The following ABCC4 variants were observed in gnomAD, a reference collection of about 807,000 sequenced individuals.
ABCC4 encodes ATP binding cassette subfamily C member 4 (PEL blood group).
A neutral mutation model predicts 168.5 loss-of-function variants in ABCC4; 102 were observed. That is an observed-to-expected ratio of 0.61 (90% CI 0.52 to 0.71). ABCC4 has a LOEUF of 0.71. ABCC4 is among the 30% of genes least tolerant of loss of function. The pLI is 0.00. For synonymous variants in ABCC4, 617 were observed against 590.7 expected (o/e 1.04, Z -0.65); for missense variants, 1,402 against 1,605.8 (o/e 0.87, Z 2.17).
At chr13:95,111,534 C>T (rs2035205438) in intron 20 of ABCC4, among the ~76,000 whole-genome samples, 1 of 152,208 alleles carries the variant, frequency 6.6e-6, no homozygotes, top group Non-Finnish European at 1.5e-5. Flanking sequence ...TACTGTTGCA[C>T]ACCTGAGCCA....
intron 27 of ABCC4, among the ~76,000 whole-genome samples, chr13:95,044,712 C>T (rs1039846612): frequency 3.9e-5 from 6 of 152,102 alleles, no homozygotes; most frequent in East Asian, 1.9e-4. Flanking sequence ...TGCAGGGTCA[C>T]GTGTTAATAC....
intron 9 of ABCC4, among the ~76,000 whole-genome samples, chr13:95,189,124 CTTTTTTTTTTTTTTT>C (rs61449462): frequency 5.9e-5 from 4 of 67,294 alleles, no homozygotes; most frequent in Admixed American, 3.5e-4. Flanking sequence ...AAACAATATT[CTTTTTTTTTTTTTTT>C]TTTTTTTTTT....
chr13:95,244,609 GAAA>G (rs1566563377), intron 3 of ABCC4, among the ~76,000 whole-genome samples: 1 of 49,568 alleles, frequency 2.0e-5, no homozygotes, highest in Non-Finnish European at 4.0e-5. Flanking sequence ...AAGAAAGAAA[GAAA>G]GAAAGAAAGA....
chr13:95,083,238 C>G lies in ABCC4; in HGVS notation c.2588G>C (p.Trp863Ser). ...VVSVAVAVIP[W>S]IAIPLVPLGI... is the part of the protein sequence containing the mutation. ...AAGGGGAACCAAGGGTATTGCGATC[C>G]AAGGAATCACGGCCACAGCCACAGA... The change falls in exon 21 of 31, where the codon TGG (tryptophan) becomes TCG (serine). Residue 863 changes from tryptophan to serine, a missense_variant. This residue lies in a region of ABCC4 where 1,007 missense variants were observed against 1,127.3 expected (regional missense o/e 0.89). Coordinates refer to ENST00000645237, the MANE Select transcript of ABCC4 (RefSeq NM_005845.5). 6.2e-7 allele frequency: 1 copy of G among 1,613,806 alleles called. No homozygotes were observed. The highest frequency in any genetic ancestry group is 8.5e-7 in the Non-Finnish European group (1 of 1,179,884).
At position 95,295,071 on chromosome 13, in the gene ABCC4, G is replaced by T. The variant is rs185767369; in HGVS notation, c.74+6170C>A. Among the ~76,000 whole-genome samples, 58 of 152,242 alleles carry T rather than the reference G, an allele frequency of 3.8e-4. 1 individual carries two copies. The East Asian group carries it at 0.01, about 27-fold the overall frequency. ...CAGTAACCTTGGCCTCCCAGACACCGATCAAGTAGAATTGGACACCAAAGA... is the reference window on the plus strand; with the variant it reads ...CAGTAACCTTGGCCTCCCAGACACCTATCAAGTAGAATTGGACACCAAAGA... On this transcript the variant is annotated intron_variant, in intron 1 of 30. Transcript: ENST00000645237.
chr13:95,195,317 T>G (rs374598323), intron 8 of ABCC4, among the ~76,000 whole-genome samples: 5 of 152,328 alleles, frequency 3.3e-5, no homozygotes, highest in East Asian at 3.9e-4. Flanking sequence ...ATCTGATGAA[T>G]ATTTCATGAA....
At chr13:95,086,123 A>G (rs1041796300) in intron 20 of ABCC4, among the ~76,000 whole-genome samples, 4 of 39,398 alleles carry the variant, frequency 1.0e-4, no homozygotes, top group South Asian at 1.3e-3. Flanking sequence ...GTGTGTGGTT[A>G]TATCTGGTCT....
intron 1 of ABCC4, among the ~76,000 whole-genome samples, chr13:95,273,311 G>C (rs1353359991): frequency 6.6e-6 from 1 of 152,184 alleles, no homozygotes; most frequent in East Asian, 1.9e-4. Flanking sequence ...AGGTTCAGGT[G>C]CGAGTGTGTT....
rs779303917 is a variant in ABCC4, at chr13:95,269,435, ATAT to A, written c.75-21685_75-21683del. On this transcript the variant is annotated intron_variant, in intron 1 of 30. Coordinates refer to ENST00000645237, the MANE Select transcript of ABCC4 (RefSeq NM_005845.5). ...AGCGAGACTCCATCTCAAAAAAAAA[ATAT>A]ATATATATATATATATATATACACA... 113 of 123,172 alleles carry A rather than the reference ATAT, an allele frequency of 9.2e-4. No homozygotes were observed. In the East Asian group the frequency reaches 0.013, roughly 14 times the overall value. 7.6% of individuals were successfully genotyped at this position (123,172 alleles called of 1,614,324 possible). A position where few individuals can be genotyped will look rare whatever the true frequency, so the allele number is the denominator to read the frequency against.
At chr13:95,045,945 G>A (rs553484247) in intron 27 of ABCC4, among the ~76,000 whole-genome samples, 3 of 152,210 alleles carry the variant, frequency 2.0e-5, no homozygotes, top group Admixed American at 1.3e-4. Context: ...GGAATTTTGA[G>A]TTAAGATTAA....
At chr13:95,242,429 G>T (rs12874657) in intron 3 of ABCC4, among the ~76,000 whole-genome samples, 45,994 of 151,972 alleles carry the variant, frequency 0.3, 8,751 homozygotes, top group Non-Finnish European at 0.41. Flanking sequence ...GGTTTCACCA[G>T]GTTGGTCAGG....
rs1594422613 is a variant in ABCC4, at chr13:95,273,779, A to G, written c.75-26026T>C. ...CTGTGCTGTTCTTGTGATAGTGGATAAGTCTCACGAGATCTGATGGGTTTT... is the reference window on the plus strand; with the variant it reads ...CTGTGCTGTTCTTGTGATAGTGGATGAGTCTCACGAGATCTGATGGGTTTT... On this transcript the variant is annotated intron_variant, in intron 1 of 30. Coordinates refer to ENST00000645237, the MANE Select transcript of ABCC4 (RefSeq NM_005845.5). Among the ~76,000 whole-genome samples, 3 of 149,120 alleles carry G rather than the reference A, an allele frequency of 2.0e-5. 1 individual carries two copies. Among genetic ancestry groups the G allele is most frequent in the African/African-American group, 7.4e-5 (3 of 40,482 alleles).
chr13:95,021,823 A>T, intron 30 of ABCC4, 141 bp from the exon 31 acceptor site: 5 of 651,806 alleles, frequency 7.7e-6, no homozygotes, highest in Non-Finnish European at 1.1e-5. Flanking sequence ...AACAGGGATG[A>T]ATCTACTGTA....
intron 19 of ABCC4, among the ~76,000 whole-genome samples, chr13:95,122,787 G>A (rs1450012488): frequency 1.3e-5 from 2 of 151,802 alleles, no homozygotes; most frequent in Non-Finnish European, 2.9e-5. Flanking sequence ...ATACTGGACC[G>A]GCTACGGATA....
intron 19 of ABCC4, among the ~76,000 whole-genome samples, chr13:95,122,076 C>T (rs926468077): frequency 2.0e-5 from 3 of 152,154 alleles, no homozygotes; most frequent in Admixed American, 2.0e-4. Flanking sequence ...ATGAGAAACC[C>T]CACTCTTCAG....
intron 20 of ABCC4, among the ~76,000 whole-genome samples, chr13:95,090,886 C>T (rs1451464040): frequency 1.3e-5 from 2 of 151,952 alleles, no homozygotes; most frequent in African/African-American, 4.8e-5. Context: ...ACAAATAATA[C>T]AAGACATAAA....
intron 21 of ABCC4, among the ~76,000 whole-genome samples, chr13:95,078,553 A>G (rs774861736): frequency 3.9e-5 from 6 of 152,174 alleles, no homozygotes; most frequent in Non-Finnish European, 7.3e-5. Flanking sequence ...CCGTAAGAGG[A>G]CTGAGCTGGT....
chr13:95,078,697 C>T (rs2033993341), intron 21 of ABCC4, among the ~76,000 whole-genome samples: 1 of 152,172 alleles, frequency 6.6e-6, no homozygotes, highest in South Asian at 2.1e-4. Context: ...TTCCAGGCCC[C>T]ATTACCCTAC....
chr13:95,295,564 A>G lies in ABCC4; in HGVS notation c.74+5677T>C, dbSNP rs111988044. ...TCCCAGCTACTCAGGAGGCTGAGAC[A>G]GGAGAATCACTTGAACCCTGGAGGC... is the stretch of plus-strand genomic sequence containing the variant. On this transcript the variant is annotated intron_variant, in intron 1 of 30. Transcript: ENST00000645237. 5.3e-5 allele frequency among the ~76,000 whole-genome samples: 8 copies of G among 152,214 alleles called. 1 individual carries two copies. Among genetic ancestry groups the G allele is most frequent in the African/African-American group, 1.9e-4 (8 of 41,550 alleles).
Sources: allele counts gnomAD v4.1 joint callset (sites outside exome capture counted in the v4.1 genomes callset), GRCh38; gene constraint gnomAD v4.1.1; regional missense constraint gnomAD v4.1.1; transcripts MANE v1.5; gene names NCBI Gene and HGNC (gene_info 2026-07-23, HGNC 2026-07-21).